Variants in PTPRT observed in about 807,000 individuals in gnomAD.
PTPRT encodes the protein protein tyrosine phosphatase receptor type T, also known as receptor-type tyrosine-protein phosphatase T.
A neutral mutation model predicts 176.8 loss-of-function variants in PTPRT; 56 were observed. The ratio of observed to expected loss-of-function variants is 0.32; its 90% CI spans 0.26 to 0.40. PTPRT has a LOEUF of 0.40. PTPRT is among the 10% of genes least tolerant of loss of function. PTPRT has a pLI of 1.00. For synonymous variants in PTPRT, 783 were observed against 739.0 expected (o/e 1.06, Z -0.96); for missense variants, 1,540 against 1,908.2 (o/e 0.81, Z 3.60).
intron 13 of PTPRT, among the ~76,000 whole-genome samples, chr20:42,267,482 T>C (rs933950051): frequency 5.9e-5 from 9 of 152,252 alleles, no homozygotes; most frequent in Non-Finnish European, 1.2e-4. Context: ...CACGTGACTC[T>C]AAGAAATTTA....
At chr20:42,566,290 C>T (rs942210897) in intron 7 of PTPRT, among the ~76,000 whole-genome samples, 2 of 152,168 alleles carry the variant, frequency 1.3e-5, no homozygotes, top group South Asian at 2.1e-4. Flanking sequence ...TGTGCAGCAC[C>T]ATGCCCAGCT....
At chr20:42,227,754 C>T (rs960156485) in intron 15 of PTPRT, among the ~76,000 whole-genome samples, 8 of 151,900 alleles carry the variant, frequency 5.3e-5, no homozygotes, top group South Asian at 2.1e-4. Context: ...ATTACAGGCA[C>T]GTGCCACCAT....
chr20:42,461,800 C>T (rs1568900685), intron 8 of PTPRT, among the ~76,000 whole-genome samples: 1 of 151,006 alleles, frequency 6.6e-6, no homozygotes, highest in Non-Finnish European at 1.5e-5. Flanking sequence ...GATTCAAGAA[C>T]AAATAGAAAG....
At chr20:42,929,607 G>T (rs935527845) in intron 1 of PTPRT, among the ~76,000 whole-genome samples, 6 of 152,154 alleles carry the variant, frequency 3.9e-5, no homozygotes, top group African/African-American at 1.4e-4. Flanking sequence ...TAATAAAAGA[G>T]GACAGAGAAG....
At chr20:42,277,696 A>C (rs763610588) in intron 13 of PTPRT, among the ~76,000 whole-genome samples, 2 of 152,068 alleles carry the variant, frequency 1.3e-5, no homozygotes, top group Non-Finnish European at 2.9e-5. Context: ...GGGTAGAGAG[A>C]TCTCTATCAC....
chr20:42,910,081 G>A lies in PTPRT; in HGVS notation c.89-24149C>T, dbSNP rs2079525827. Among the ~76,000 whole-genome samples the A allele has an allele frequency of 1.3e-5, 2 of 152,230 alleles. 1 individual carries two copies. The highest frequency in any genetic ancestry group is 2.9e-5 in the Non-Finnish European group (2 of 68,030). ...TACTTTATCCCCTTCCATCCCTGCA[G>A]CTTGTTTGGCTGCAGATATATTTCA... is the stretch of plus-strand genomic sequence containing the variant. On this transcript the variant is annotated intron_variant, in intron 1 of 30. Transcript: ENST00000373187.
At chr20:42,842,538 G>GC in intron 2 of PTPRT, among the ~76,000 whole-genome samples, 1 of 151,440 alleles carries the variant, frequency 6.6e-6, no homozygotes, top group Non-Finnish European at 1.5e-5. Flanking sequence ...TCCTGCCTCC[G>GC]CCCCCCGAGT....
At chr20:43,034,190 C>A (rs914758088) in intron 1 of PTPRT, among the ~76,000 whole-genome samples, 1 of 152,180 alleles carries the variant, frequency 6.6e-6, no homozygotes, top group Non-Finnish European at 1.5e-5. Flanking sequence ...TGGGGGTACA[C>A]AAAAGTGATT....
At chr20:42,138,854 G>A (rs1468630474) in intron 18 of PTPRT, among the ~76,000 whole-genome samples, 1 of 152,128 alleles carries the variant, frequency 6.6e-6, no homozygotes, top group East Asian at 1.9e-4. Flanking sequence ...TTCTTTTGTA[G>A]GCAGTGCCCT....
chr20:42,940,761 A>G (rs1600576749), intron 1 of PTPRT, among the ~76,000 whole-genome samples: 1 of 152,146 alleles, frequency 6.6e-6, no homozygotes, highest in East Asian at 1.9e-4. Context: ...TCTTCCCATG[A>G]AGCTGGGTAC....
intron 23 of PTPRT, among the ~76,000 whole-genome samples, chr20:42,107,176 G>A (rs908702794): frequency 2.6e-5 from 4 of 152,210 alleles, no homozygotes; most frequent in African/African-American, 9.6e-5. Flanking sequence ...TGGCATGCTG[G>A]AGCTGCCTCA....
At chr20:42,225,715 C>G (rs913370044) in intron 15 of PTPRT, among the ~76,000 whole-genome samples, 1 of 152,182 alleles carries the variant, frequency 6.6e-6, no homozygotes, top group Non-Finnish European at 1.5e-5. Flanking sequence ...CGCAGCTGCA[C>G]GATCTTGGCT....
intron 1 of PTPRT, among the ~76,000 whole-genome samples, chr20:43,041,774 A>G (rs991890416): frequency 1.3e-5 from 2 of 152,240 alleles, no homozygotes; most frequent in African/African-American, 2.4e-5. Flanking sequence ...TTTTTTGTAA[A>G]TAAAGTTTTA....
chr20:42,636,538 C>G (rs1374911847), intron 7 of PTPRT, among the ~76,000 whole-genome samples: 3 of 151,986 alleles, frequency 2.0e-5, no homozygotes, highest in African/African-American at 7.3e-5. Flanking sequence ...GTAATCCCAA[C>G]ACTTTGGAGG....
At chr20:42,045,478 T>C in the PTPRT span, among the ~76,000 whole-genome samples, 1 of 150,884 alleles carries the variant, frequency 6.6e-6, no homozygotes, top group African/African-American at 2.4e-5. Flanking sequence ...AATAAATCAA[T>C]TGATCCATAC....
chr20:42,080,999 G>T, intron 30 of PTPRT, 67 bp from the exon 31 acceptor site: 1 of 1,331,018 alleles, frequency 7.5e-7, no homozygotes. Flanking sequence ...AAAAGGAAAG[G>T]GAAAATGCAT....
intron 16 of PTPRT, among the ~76,000 whole-genome samples, chr20:42,196,753 G>T (rs1427094839): frequency 1.3e-5 from 2 of 152,046 alleles, no homozygotes; most frequent in East Asian, 3.9e-4. Context: ...ATTGAAAATG[G>T]GAAAAAAAGG....
chr20:42,206,009 C>G (rs1034998226), intron 15 of PTPRT, among the ~76,000 whole-genome samples: 19 of 152,114 alleles, frequency 1.2e-4, no homozygotes, highest in Non-Finnish European at 2.1e-4. Flanking sequence ...AGTCCCTTAG[C>G]TAAGATGCAC....
chr20:42,664,498 C>T lies in PTPRT; in HGVS notation c.1153+13368G>A, dbSNP rs183980983. 9.2e-5 allele frequency among the ~76,000 whole-genome samples: 14 copies of T among 152,050 alleles called. No individual in the cohort carries two copies. The East Asian group carries it at 1.9e-3, about 21-fold the overall frequency. ...TTTTCTTTATTTTTTTCTAGTTTTG[C>T]CTTTTAAGTTTTTAAACTACCCATA... is the stretch of plus-strand genomic sequence containing the variant. On this transcript the variant is annotated intron_variant, in intron 7 of 30. Coordinates refer to ENST00000373187, the MANE Select transcript of PTPRT (RefSeq NM_007050.6).
Sources: gnomAD v4.1 joint callset for allele counts (sites outside exome capture counted in the v4.1 genomes callset) on GRCh38, gnomAD v4.1.1 for gene constraint, MANE v1.5 for transcripts, NCBI Gene and HGNC (gene_info 2026-07-23, HGNC 2026-07-21) for gene names.